The following FHIP1A variants were observed in gnomAD, a reference collection of about 807,000 sequenced individuals.
The protein encoded by FHIP1A is FHF complex subunit HOOK interacting protein 1A.
FHIP1A carries 61 observed loss-of-function variants against 88.6 expected under a neutral mutation model. The ratio of observed to expected loss-of-function variants is 0.69; its 90% confidence interval spans 0.56 to 0.85. The LOEUF (loss-of-function observed/expected upper bound fraction) is 0.85. Ranked by LOEUF, FHIP1A falls within the 40% of genes least tolerant of loss-of-function variation. The pLI is 0.00. For missense variants in FHIP1A, 1,154 were observed against 1,273.5 expected, an observed-to-expected ratio of 0.91 and a Z score of 1.43; for synonymous variants, 478 against 496.0, an observed-to-expected ratio of 0.96 and a Z score of 0.48.
chr4:151,499,273 T>C (rs927630864), intron 3 of FHIP1A, among the ~76,000 whole-genome samples: 10 of 152,192 alleles, frequency 6.6e-5, no homozygotes, highest in Middle Eastern at 3.2e-3. Context: ...TCCTAAAAAT[T>C]GGAGCTCTGA....
chr4:151,603,363 G>C (rs189656303), intron 7 of FHIP1A, among the ~76,000 whole-genome samples: 1 of 151,828 alleles, frequency 6.6e-6, no homozygotes, highest in East Asian at 1.9e-4. Context: ...ACAACCCCTG[G>C]GGCTTCTGAC....
chr4:151,413,363 A>G (rs1239862307), intron 1 of FHIP1A, among the ~76,000 whole-genome samples: 1 of 152,236 alleles, frequency 6.6e-6, no homozygotes, highest in Non-Finnish European at 1.5e-5. Context: ...CTCAGGGGTG[A>G]GGAGGAGCCA....
At chr4:151,515,769 A>G (rs1275293084) in intron 3 of FHIP1A, among the ~76,000 whole-genome samples, 1 of 151,986 alleles carries the variant, frequency 6.6e-6, no homozygotes, top group African/African-American at 2.4e-5. Context: ...TTCAAGGAGA[A>G]CTACAAACCA....
At chr4:151,429,622 G>A (rs530526219) in intron 1 of FHIP1A, among the ~76,000 whole-genome samples, 5 of 152,270 alleles carry the variant, frequency 3.3e-5, no homozygotes, top group African/African-American at 1.2e-4. Flanking sequence ...GCCAAGGTGG[G>A]TGGATCACTT....
chr4:151,450,891 C>T (rs1435879867), intron 1 of FHIP1A, among the ~76,000 whole-genome samples: 1 of 152,072 alleles, frequency 6.6e-6, no homozygotes, highest in Non-Finnish European at 1.5e-5. Flanking sequence ...AATCCTTCCA[C>T]CTCAGCCTCC....
chr4:151,513,956 A>G (rs891334901), intron 3 of FHIP1A, among the ~76,000 whole-genome samples: 6 of 150,664 alleles, frequency 4.0e-5, no homozygotes, highest in African/African-American at 1.5e-4. Flanking sequence ...AGCGGACCTA[A>G]TAGACATCTA....
chr4:151,588,438 G>A (rs1335254261), intron 6 of FHIP1A, among the ~76,000 whole-genome samples: 1 of 152,116 alleles, frequency 6.6e-6, no homozygotes, highest in African/African-American at 2.4e-5. Context: ...TACAGGTTGA[G>A]ATGTGATTTA....
chr4:151,553,915 T>C (rs1359341966), intron 3 of FHIP1A, among the ~76,000 whole-genome samples: 5 of 152,178 alleles, frequency 3.3e-5, no homozygotes, highest in Non-Finnish European at 5.9e-5. Flanking sequence ...AGCACTCTTT[T>C]TATTTGCTTA....
At chr4:151,444,944 T>A (rs1728538772) in intron 1 of FHIP1A, among the ~76,000 whole-genome samples, 1 of 152,186 alleles carries the variant, frequency 6.6e-6, no homozygotes, top group Admixed American at 6.5e-5. Context: ...ATTGACTACT[T>A]ATCCTCCAAT....
At chr4:151,632,847 A>G (rs1365624543) in intron 8 of FHIP1A, among the ~76,000 whole-genome samples, 2 of 152,078 alleles carry the variant, frequency 1.3e-5, no homozygotes, top group Non-Finnish European at 1.5e-5. Context: ...AGGGAATTTT[A>G]TAGCTGTAAA....
chr4:151,505,376 A>C (rs1374450327), intron 3 of FHIP1A, among the ~76,000 whole-genome samples: 1 of 152,308 alleles, frequency 6.6e-6, no homozygotes, highest in East Asian at 1.9e-4. Flanking sequence ...GGAGTCCCCA[A>C]ATGGAAGGGG....
intron 7 of FHIP1A, among the ~76,000 whole-genome samples, chr4:151,621,348 T>C (rs892495261): frequency 2.0e-5 from 3 of 151,670 alleles, no homozygotes; most frequent in Admixed American, 2.0e-4. Context: ...TGGGCAGATA[T>C]GTGTGTGTTT....
chr4:151,591,069 C>A (rs1001062719), intron 7 of FHIP1A, among the ~76,000 whole-genome samples: 1 of 150,542 alleles, frequency 6.6e-6, no homozygotes, highest in Non-Finnish European at 1.5e-5. Context: ...TCTCCCTGTT[C>A]TCTGTCTGTT....
Position 151,663,426 on chromosome 4 carries a change from T to C in FHIP1A, c.*672T>C, listed in dbSNP as rs1002617527. 1.3e-5 allele frequency: 2 copies of C among 152,232 alleles called. No individual in the cohort carries two copies. Among genetic ancestry groups the C allele is most frequent in the African/African-American group, 4.8e-5 (2 of 41,462 alleles). The allele number at this position is 152,232 out of a possible 1,614,324, so 9.4% of individuals were successfully genotyped here. A position where few individuals can be genotyped will look rare whatever the true frequency, so the allele number is the denominator to read the frequency against. ...ATAATTTTTCTTATTTCTTGAGAGC[T>C]TACTTTAATCAGCATGACACTACCT... On this transcript the variant is annotated 3_prime_UTR_variant, in exon 14 of 14. Coordinates refer to ENST00000435205, the MANE Select transcript of FHIP1A (RefSeq NM_001109977.3).
At chr4:151,459,815 CT>C (rs899802284) in intron 2 of FHIP1A, among the ~76,000 whole-genome samples, 2 of 152,120 alleles carry the variant, frequency 1.3e-5, no homozygotes, top group Non-Finnish European at 2.9e-5. Context: ...TGTTAATACC[CT>C]TGTTGTAGAG....
In FHIP1A at chr4:151,666,946, C is replaced by T. The variant is rs954536663; in HGVS notation, c.*4192C>T. Among the ~76,000 whole-genome samples, 1 of 152,200 alleles carries T rather than the reference C, an allele frequency of 6.6e-6. No homozygotes were observed. The highest frequency in any genetic ancestry group is 2.4e-5 in the African/African-American group (1 of 41,440). On this transcript the variant is annotated 3_prime_UTR_variant, in exon 14 of 14. Transcript: ENST00000435205. Reference sequence around the variant, plus strand: ...TTTTAAATGGTCCCGGCGTGGTGTTCAGTATCTGCATATGCCCCAGTTCTC... The same window carrying T: ...TTTTAAATGGTCCCGGCGTGGTGTTTAGTATCTGCATATGCCCCAGTTCTC...
intron 1 of FHIP1A, among the ~76,000 whole-genome samples, chr4:151,440,333 C>A (rs1728357665): frequency 6.6e-6 from 1 of 152,120 alleles, no homozygotes; most frequent in Non-Finnish European, 1.5e-5. Flanking sequence ...TTCATGAAAG[C>A]AGGGGTCTTT....
At chr4:151,632,664 A>G (rs1211483175) in intron 8 of FHIP1A, among the ~76,000 whole-genome samples, 1 of 152,126 alleles carries the variant, frequency 6.6e-6, no homozygotes, top group African/African-American at 2.4e-5. Context: ...GAATGAAACT[A>G]GAAATAAATA....
chr4:151,613,588 A>G (rs988170565), intron 7 of FHIP1A, among the ~76,000 whole-genome samples: 1 of 152,138 alleles, frequency 6.6e-6, no homozygotes, highest in African/African-American at 2.4e-5. Context: ...CTAGGTTACA[A>G]AAAAAAGCTT....
Sources: gnomAD v4.1 joint callset for allele counts (sites outside exome capture counted in the v4.1 genomes callset) on GRCh38, gnomAD v4.1.1 for gene constraint, MANE v1.5 for transcripts, NCBI Gene and HGNC (gene_info 2026-07-23, HGNC 2026-07-21) for gene names.